Variants in MYBPC2 observed in about 807,000 individuals in gnomAD.
MYBPC2 encodes myosin-binding protein C, fast-type.
A neutral mutation model predicts 137.0 loss-of-function variants in MYBPC2; 122 were observed. The ratio of observed to expected loss-of-function variants is 0.89; its 90% CI spans 0.77 to 1.03. The LOEUF (loss-of-function observed/expected upper bound fraction) is 1.03, where lower values mean the gene tolerates loss of function less well. Among genes scored for constraint, MYBPC2 ranks in the 50% least tolerant of loss-of-function variants. The pLI is 0.00. For synonymous variants in MYBPC2, 626 were observed against 612.3 expected, an observed-to-expected ratio of 1.02 and a Z score of -0.33; for missense variants, 1,500 against 1,534.4, an observed-to-expected ratio of 0.98 and a Z score of 0.37.
Position 50,464,509 on chromosome 19 carries a change from C to G in MYBPC2, c.3392C>G (p.Ala1131Gly). 1 of 1,611,172 alleles carries G rather than the reference C, an allele frequency of 6.2e-7. No individual in the cohort carries two copies. Among genetic ancestry groups the G allele is most frequent in the Non-Finnish European group, 8.5e-7 (1 of 1,179,044 alleles). ...RAVNELGEAL[A>G]ECKLEVRVPQ is the part of the protein sequence containing the mutation. Reference sequence around the variant, plus strand: ...GTCAACGAGCTGGGCGAGGCGCTGGCTGAGTGCAAGCTGGAGGTCCGAGGT... The same window carrying G: ...GTCAACGAGCTGGGCGAGGCGCTGGGTGAGTGCAAGCTGGAGGTCCGAGGT... The change falls in exon 27 of 28, where the codon GCT becomes GGT. Residue 1131 changes from alanine to glycine, a missense_variant. Ala to Gly is a moderately conservative substitution (Grantham distance 60). Coordinates refer to ENST00000357701, the MANE Select transcript of MYBPC2 (RefSeq NM_004533.4).
intron 6 of MYBPC2, 50 bp from the exon 7 acceptor site, chr19:50,437,609 A>G: frequency 6.3e-7 from 1 of 1,592,776 alleles, no homozygotes; most frequent in Non-Finnish European, 8.6e-7. Flanking sequence ...GGGGAAGGCA[A>G]GGGGTGAATC....
chr19:50,435,307 G>A lies in MYBPC2; in HGVS notation c.109+57G>A, dbSNP rs535812116. On this transcript the variant is annotated intron_variant, in intron 2 of 27. Coordinates refer to ENST00000357701, the MANE Select transcript of MYBPC2 (RefSeq NM_004533.4). The surrounding 1 kb of genome is among the most constrained non-coding windows in gnomAD (Gnocchi z 4.8). ...CTGGCTTCTCATCTCCATCCTCCTC[G>A]CTACGCCTCTCCAGGCCTTTCCCCA... 4.0e-5 allele frequency: 29 copies of A among 721,466 alleles called. 1 individual carries two copies. Among genetic ancestry groups the A allele is most frequent in the African/African-American group, 3.9e-4 (22 of 57,064 alleles). The allele number at this position is 721,466 out of a possible 1,614,324, so 44.7% of individuals were successfully genotyped here. A position where few individuals can be genotyped will look rare whatever the true frequency, so the allele number is the denominator to read the frequency against.
chr19:50,462,190 ATT>A (rs564333279), intron 26 of MYBPC2, among the ~76,000 whole-genome samples, 154 bp downstream of exon 26: 4 of 144,222 alleles, frequency 2.8e-5, no homozygotes, highest in Admixed American at 2.1e-4. Flanking sequence ...TTGATTTTTG[ATT>A]TTTTTTTTTT....
chr19:50,433,470 T>A (rs2039675602), intron 1 of MYBPC2, among the ~76,000 whole-genome samples: 2 of 151,900 alleles, frequency 1.3e-5, no homozygotes, highest in South Asian at 4.2e-4. Flanking sequence ...ATTGGTGCGA[T>A]CTCGGCTCAC....
intron 26 of MYBPC2, among the ~76,000 whole-genome samples, chr19:50,464,073 G>A (rs1259457192): frequency 6.6e-6 from 1 of 152,108 alleles, no homozygotes; most frequent in Non-Finnish European, 1.5e-5. Flanking sequence ...AGTAATGGGG[G>A]TCAAAGAGTG....
chr19:50,437,442 C>G lies in MYBPC2; in HGVS notation c.464-31C>G, dbSNP rs2039713823. ...CTAAGATCAGCCCTGGCCTCTAACT[C>G]ACCTTCCCTTCTCTCATCACCTCTC... On this transcript the variant is annotated intron_variant, in intron 5 of 27. Transcript: ENST00000357701. 3 of 1,602,600 alleles carry G rather than the reference C, an allele frequency of 1.9e-6. No homozygotes were observed. The South Asian group carries it at 3.4e-5, about 18-fold the overall frequency.
rs201682686 is a variant in MYBPC2 at position 50,460,104 on chromosome 19, G to A, written c.2856G>A (p.Glu952=). The stretch of plus-strand genomic sequence containing the variant: ...TGTGGGGCACGAACGCGCTGGTGGA[G>A]TGGCAGGCCCCCAAAGATGATGGGA... The part of the protein sequence containing the change: ...KEVWGTNALV[E]WQAPKDDGNS... Residue 952 remains glutamate (E), a synonymous_variant, in exon 24 of 28, where the codon GAG becomes GAA. Transcript: ENST00000357701. The A allele has an allele frequency of 5.1e-6, 8 of 1,580,206 alleles. No homozygotes were observed. In the African/African-American group the frequency reaches 9.4e-5, roughly 19 times the overall value.
In MYBPC2 at chr19:50,462,009, C is replaced by G. The variant is rs1447794930; in HGVS notation, c.3201C>G (p.Leu1067=). ...TCGTGGCTGGGTACTCGGCAGCCCT[C>G]AACTGTGCTGTCAGAGGCCACCCGA... ...RVVVAGYSAA[L]NCAVRGHPKP... is the part of the protein sequence containing the mutation. The change falls in exon 26 of 28, where the codon CTC becomes CTG. Residue 1067 remains leucine, a synonymous_variant. Coordinates refer to ENST00000357701, the MANE Select transcript of MYBPC2 (RefSeq NM_004533.4). 1 of 1,573,634 alleles carries G rather than the reference C, an allele frequency of 6.4e-7. No homozygotes were observed. Among genetic ancestry groups the G allele is most frequent in the African/African-American group, 1.3e-5 (1 of 74,094 alleles).
rs1238677238 is a variant in MYBPC2 at position 50,449,534 on chromosome 19, T to A, written c.1472+1144T>A. Among the ~76,000 whole-genome samples, 4 of 152,202 alleles carry A rather than the reference T, an allele frequency of 2.6e-5. No individual in the cohort carries two copies. The East Asian group carries it at 7.7e-4, about 29-fold the overall frequency. On this transcript the variant is annotated intron_variant, in intron 13 of 27. Transcript: ENST00000357701. ...TGGGCAAGGAAAGTCCCAGGCCAGC[T>A]CTGAGTCAAGGGCTGGGAAGCAGAT...
At chr19:50,438,365 G>A (rs1004697188) in intron 7 of MYBPC2, among the ~76,000 whole-genome samples, 3 of 152,120 alleles carry the variant, frequency 2.0e-5, no homozygotes, top group Admixed American at 6.6e-5. Flanking sequence ...TGGATGGTAC[G>A]GATGAATGCA....
At chr19:50,446,807 A>G (rs910670770) in intron 12 of MYBPC2, among the ~76,000 whole-genome samples, 2 of 142,786 alleles carry the variant, frequency 1.4e-5, no homozygotes, top group African/African-American at 5.3e-5. Flanking sequence ...CAACAGAGTA[A>G]GACTCTGTCT....
intron 26 of MYBPC2, 142 bp downstream of exon 26, chr19:50,462,178 AATTG>A: frequency 7.8e-7 from 1 of 1,280,128 alleles, no homozygotes; most frequent in Non-Finnish European, 1.0e-6. Context: ...AAATTTTTTT[AATTG>A]ATTTTTGATT....
Position 50,437,500 on chromosome 19 carries a change from G to T in MYBPC2, c.491G>T (p.Ser164Ile), listed in dbSNP as rs1246245820. The change falls in exon 6 of 28, where the codon AGT becomes ATT. Residue 164 changes from serine to isoleucine, a missense_variant. Physicochemically the swap from Ser to Ile is moderately radical, Grantham distance 142. Coordinates refer to ENST00000357701, the MANE Select transcript of MYBPC2 (RefSeq NM_004533.4). ...EAPRQDASGQSLESFKRTSEK... is the reference protein window; with the variant it reads ...EAPRQDASGQILESFKRTSEK... ...CCCCGTCAGGATGCCTCTGGGCAGA[G>T]TCTAGAAAGCTTCAAGCGTACGTAA... 1 of 1,611,082 alleles carries T rather than the reference G, an allele frequency of 6.2e-7. No individual in the cohort carries two copies. Among genetic ancestry groups the T allele is most frequent in the East Asian group, 2.2e-5 (1 of 44,790 alleles).
At chr19:50,441,997 C>A (rs1352297447) in intron 8 of MYBPC2, among the ~76,000 whole-genome samples, 184 bp from the exon 9 acceptor site, 1 of 152,130 alleles carries the variant, frequency 6.6e-6, no homozygotes, top group Non-Finnish European at 1.5e-5. Context: ...ACTTTGGGGT[C>A]CCCTGCCCTG....
intron 20 of MYBPC2, among the ~76,000 whole-genome samples, chr19:50,457,840 C>T (rs140728980): frequency 0.025 from 3,754 of 151,464 alleles, 73 homozygotes; most frequent in Non-Finnish European, 0.037. Context: ...CCACCTTGCC[C>T]GGCTAAGTAT....
At position 50,458,907 on chromosome 19, in the gene MYBPC2, T is replaced by A. The variant is rs1281715822; in HGVS notation, c.2507-11T>A. The A allele has an allele frequency of 1.2e-6, 2 of 1,608,484 alleles. No homozygotes were observed. The highest frequency in any genetic ancestry group is 4.5e-5 in the East Asian group (2 of 44,586). On this transcript the variant is annotated splice_polypyrimidine_tract_variant and intron_variant, in intron 21 of 27. Transcript: ENST00000357701. The stretch of plus-strand genomic sequence containing the variant: ...CCCCGCTGAGCCCCCTCCCTGTGTT[T>A]GCGCCCTCAGAGCCACCCAAGATCC...
chr19:50,442,042 G>A lies in MYBPC2; in HGVS notation c.770-139G>A, dbSNP rs191822736. 4,782 of 1,145,476 alleles carry A rather than the reference G, an allele frequency of 4.2e-3. 19 individuals carry two copies. The highest frequency in any genetic ancestry group is 8.8e-3 in the Middle Eastern group (30 of 3,396). 71.0% of individuals were successfully genotyped at this position (1,145,476 alleles called of 1,614,324 possible). ...CAGAGAAGTTCTCAAGGATCTCTAA[G>A]TTCATAGGAGGCCCCCTGACTTCCT... On this transcript the variant is annotated intron_variant, in intron 8 of 27. Coordinates refer to ENST00000357701, the MANE Select transcript of MYBPC2 (RefSeq NM_004533.4).
At chr19:50,443,360 C>T (rs1568660519) in intron 9 of MYBPC2, 134 bp from the exon 10 acceptor site, 11 of 1,004,844 alleles carry the variant, frequency 1.1e-5, no homozygotes, top group Admixed American at 9.0e-5. Flanking sequence ...TGAAACTGGG[C>T]CCTCAATCCC....
intron 16 of MYBPC2, 117 bp downstream of exon 16, chr19:50,452,120 T>C: frequency 1.7e-6 from 2 of 1,187,378 alleles, no homozygotes; most frequent in Non-Finnish European, 2.4e-6. Flanking sequence ...CTTCACAGGG[T>C]TGTTTTGAAG....
Sources: allele counts gnomAD v4.1 joint callset (sites outside exome capture counted in the v4.1 genomes callset), GRCh38; gene constraint gnomAD v4.1.1; non-coding constraint Gnocchi (gnomAD v3.1); transcripts MANE v1.5; gene names NCBI Gene and HGNC (gene_info 2026-07-23, HGNC 2026-07-21).